Variants in MAT1A observed in about 807,000 individuals in gnomAD.
MAT1A encodes the protein S-adenosylmethionine synthase isoform type-1.
A neutral mutation model predicts 44.0 loss-of-function variants in MAT1A; 19 were observed. That is an observed-to-expected ratio of 0.43 (90% confidence interval 0.30 to 0.63). The LOEUF (loss-of-function observed/expected upper bound fraction) is 0.63, where lower values mean the gene tolerates loss of function less well. Ranked by LOEUF, MAT1A falls within the 30% of genes least tolerant of loss-of-function variation. MAT1A has a pLI of 0.12. For synonymous variants in MAT1A, 205 were observed against 205.6 expected (o/e 1.00, Z 0.03); for missense variants, 397 against 531.0 (o/e 0.75, Z 2.48).
intron 3 of MAT1A, 59 bp from the exon 4 acceptor site, chr10:80,280,851 C>T (rs1364589117): frequency 2.5e-6 from 3 of 1,214,076 alleles, no homozygotes. Flanking sequence ...GGGCCACAAA[C>T]TTCCCAATGG....
chr10:80,280,964 C>T lies in MAT1A; in HGVS notation c.293-172G>A, dbSNP rs546209573. ...CTGAGGCCCAGGATGGGAGAGGCCCCGCACCTTCCCACCCTATCATGTAGA... is the reference window on the plus strand; with the variant it reads ...CTGAGGCCCAGGATGGGAGAGGCCCTGCACCTTCCCACCCTATCATGTAGA... On this transcript the variant is annotated intron_variant, in intron 3 of 8. Coordinates refer to ENST00000372213, the MANE Select transcript of MAT1A (RefSeq NM_000429.3). Among the ~76,000 whole-genome samples, 6 of 152,234 alleles carry T rather than the reference C, an allele frequency of 3.9e-5. No homozygotes were observed. The East Asian group carries it at 9.7e-4, about 25-fold the overall frequency.
chr10:80,278,837 A>AAG, intron 5 of MAT1A, among the ~76,000 whole-genome samples: 1 of 152,244 alleles, frequency 6.6e-6, no homozygotes, highest in Admixed American at 6.5e-5. Context: ...AGTGCAGGAC[A>AAG]AGAGAAGGCG....
At chr10:80,284,385 G>T (rs1841613744) in intron 2 of MAT1A, among the ~76,000 whole-genome samples, 1 of 152,108 alleles carries the variant, frequency 6.6e-6, no homozygotes, top group African/African-American at 2.4e-5. Context: ...CATAAAGAAG[G>T]TAGTCCACAC....
intron 2 of MAT1A, 125 bp from the exon 3 acceptor site, chr10:80,284,163 C>T (rs1210980477): frequency 7.9e-7 from 1 of 1,264,584 alleles, no homozygotes; most frequent in African/African-American, 1.5e-5. Context: ...GAATGGATTC[C>T]AGAAGGAAAA....
Position 80,273,717 on chromosome 10 carries a change from TG to T in MAT1A, c.*63del, listed in dbSNP as rs1266911236. On this transcript the variant is annotated 3_prime_UTR_variant, in exon 9 of 9. Coordinates refer to ENST00000372213, the MANE Select transcript of MAT1A (RefSeq NM_000429.3). ...GGAAGGCGATCAGCAGCCAGGCGTC[TG>T]GGGAAGAGGAGCATGGCCACCAGGT... 13 of 1,192,454 alleles carry T rather than the reference TG, an allele frequency of 1.1e-5. No homozygotes were observed. Among genetic ancestry groups the T allele is most frequent in the Non-Finnish European group, 1.5e-5 (12 of 798,072 alleles). 73.9% of individuals were successfully genotyped at this position (1,192,454 alleles called of 1,614,324 possible).
chr10:80,286,125 G>A (rs1169009487), intron 1 of MAT1A, among the ~76,000 whole-genome samples: 3 of 151,980 alleles, frequency 2.0e-5, no homozygotes, highest in Non-Finnish European at 2.9e-5. Context: ...CACTGCGCCC[G>A]GTCAAAATCA....
rs371264669 is a variant in MAT1A at position 80,275,198 on chromosome 10, C to T, written c.770G>A (p.Gly257Glu). 1.2e-6 allele frequency: 2 copies of T among 1,612,308 alleles called. No homozygotes were observed. The highest frequency in any genetic ancestry group is 1.7e-6 in the Non-Finnish European group (2 of 1,179,292). The change falls in exon 7 of 9, where the codon GGG (glycine) becomes GAG (glutamate). Residue 257 changes from glycine to glutamate, a missense_variant and splice_region_variant. Transcript: ENST00000372213. ...CTTACGGCCAGTGACACCCGCATCCCCCTGCAGAGGGAGAGAAATCAAGAT... is the reference window on the plus strand; with the variant it reads ...CTTACGGCCAGTGACACCCGCATCCTCCTGCAGAGGGAGAGAAATCAAGAT... Reference protein sequence around the residue: ...SGRFVIGGPQGDAGVTGRKII... With the variant: ...SGRFVIGGPQEDAGVTGRKII...
At chr10:80,281,798 GCTC>G (rs1014463817) in intron 3 of MAT1A, among the ~76,000 whole-genome samples, 1 of 152,174 alleles carries the variant, frequency 6.6e-6, no homozygotes, top group African/African-American at 2.4e-5. Context: ...CACAGCCCTT[GCTC>G]CTGGGACTCC....
chr10:80,280,537 G>A (rs1375223248), intron 4 of MAT1A, 143 bp downstream of exon 4: 22 of 964,242 alleles, frequency 2.3e-5, no homozygotes, highest in Non-Finnish European at 3.5e-5. Flanking sequence ...GCCATCCACA[G>A]CACGGCCGTG....
rs150684700 is a variant in MAT1A, at chr10:80,288,226, G to A, written c.91+1107C>T. 1.1e-3 allele frequency among the ~76,000 whole-genome samples: 163 copies of A among 152,330 alleles called. 2 individuals are homozygous for A. The highest frequency in any genetic ancestry group is 3.7e-3 in the African/African-American group (152 of 41,564). On this transcript the variant is annotated intron_variant, in intron 1 of 8. Coordinates refer to ENST00000372213, the MANE Select transcript of MAT1A (RefSeq NM_000429.3). ...AACACTCGAATGAATTTTGAAGAGG[G>A]ACTTAACTATAGAAGTCTGTACATC...
intron 2 of MAT1A, among the ~76,000 whole-genome samples, chr10:80,285,147 CTG>C (rs1564648122): frequency 6.6e-6 from 1 of 152,158 alleles, no homozygotes; most frequent in Non-Finnish European, 1.5e-5. Flanking sequence ...AGGCAGCTAC[CTG>C]TGTTTCAAGC....
intron 5 of MAT1A, 110 bp downstream of exon 5, chr10:80,280,063 T>G: frequency 1.5e-6 from 2 of 1,307,656 alleles, no homozygotes; most frequent in Admixed American, 1.9e-5. Flanking sequence ...ATTCTTTGAA[T>G]GCCCAGATTG....
intron 4 of MAT1A, 101 bp downstream of exon 4, chr10:80,280,579 C>G: frequency 8.8e-7 from 1 of 1,141,106 alleles, no homozygotes; most frequent in Admixed American, 1.7e-5. Context: ...TCCTGGCTAT[C>G]GTGCTAGGAC....
chr10:80,273,794 T>G lies in MAT1A; in HGVS notation c.1175A>C (p.Lys392Thr). The change falls in exon 9 of 9, where the codon AAG becomes ACG. Residue 392 changes from lysine (K) to threonine (T), a missense_variant. Coordinates refer to ENST00000372213, the MANE Select transcript of MAT1A (RefSeq NM_000429.3). ...CTCCCCCTGGCTCTAAAATACAAGC[T>G]TCCTGGGAACCTCCCATGGGAACTC... ...RSEFPWEVPR[K>T]LVF 6.2e-7 allele frequency: 1 copy of G among 1,612,528 alleles called. No homozygotes were observed. The highest frequency in any genetic ancestry group is 8.5e-7 in the Non-Finnish European group (1 of 1,178,878).
chr10:80,274,793 T>C (rs1353203720), intron 7 of MAT1A, 140 bp from the exon 8 acceptor site: 5 of 1,312,100 alleles, frequency 3.8e-6, no homozygotes, highest in Non-Finnish European at 5.3e-6. Flanking sequence ...TTTCCTGCTA[T>C]CTTCACCGAG....
At position 80,289,532 on chromosome 10, in the gene MAT1A, G is replaced by A. The variant is rs2132712353; in HGVS notation, c.-109C>T. 1 of 831,248 alleles carries A rather than the reference G, an allele frequency of 1.2e-6. No individual in the cohort carries two copies. Among genetic ancestry groups the A allele is most frequent in the East Asian group, 2.6e-5 (1 of 39,192 alleles). The allele number at this position is 831,248 out of a possible 1,614,324, so 51.5% of individuals were successfully genotyped here. A position where few individuals can be genotyped will look rare whatever the true frequency, so the allele number is the denominator to read the frequency against. ...CTTCTTCTTTCAACCCAACAGGCTT[G>A]TCTTTGGCAGAGCCACGGGGATCAC... is the stretch of plus-strand genomic sequence containing the variant. On this transcript the variant is annotated 5_prime_UTR_variant, in exon 1 of 9. Coordinates refer to ENST00000372213, the MANE Select transcript of MAT1A (RefSeq NM_000429.3).
In MAT1A at chr10:80,289,288, G is replaced by T. The variant is rs768505352; in HGVS notation, c.91+45C>A. 4.0e-6 allele frequency: 6 copies of T among 1,496,414 alleles called. No homozygotes were observed. The South Asian group carries it at 6.8e-5, about 17-fold the overall frequency. 92.7% of individuals were successfully genotyped at this position (1,496,414 alleles called of 1,614,324 possible). ...TTTGTAAGTGACTCCCTCAGTATAG[G>T]CTTGGAATGATCGTTTTCCAGTCAG... On this transcript the variant is annotated intron_variant, in intron 1 of 8. Transcript: ENST00000372213.
intron 6 of MAT1A, among the ~76,000 whole-genome samples, chr10:80,275,862 C>A (rs1469370039): frequency 6.6e-6 from 1 of 152,212 alleles, no homozygotes; most frequent in Non-Finnish European, 1.5e-5. Context: ...CAGTGGGCAG[C>A]AGCCTCACAG....
intron 3 of MAT1A, among the ~76,000 whole-genome samples, chr10:80,283,674 G>A (rs1241018870): frequency 1.3e-5 from 2 of 152,262 alleles, no homozygotes; most frequent in African/African-American, 2.4e-5. Context: ...AGAAGGCAAG[G>A]CCTAAAACAA....
Sources: gnomAD v4.1 joint callset for allele counts (sites outside exome capture counted in the v4.1 genomes callset) on GRCh38, gnomAD v4.1.1 for gene constraint, MANE v1.5 for transcripts, NCBI Gene and HGNC (gene_info 2026-07-23, HGNC 2026-07-21) for gene names.